Variants in DHTKD1 observed in about 807,000 individuals in gnomAD.
The protein encoded by DHTKD1 is dehydrogenase E1 and transketolase domain containing 1, also known as 2-oxoadipate dehydrogenase complex component E1.
Under a neutral mutation model 101.8 loss-of-function variants are expected in DHTKD1, and 78 were observed. The observed-to-expected ratio is 0.77, with a 90% confidence interval of 0.64 to 0.93. The LOEUF (loss-of-function observed/expected upper bound fraction) is 0.93, where lower values mean the gene tolerates loss of function less well. Ranked by LOEUF, DHTKD1 falls within the 40% of genes least tolerant of loss-of-function variation. DHTKD1 has a pLI of 0.00. For synonymous variants in DHTKD1, 462 were observed against 450.3 expected, an observed-to-expected ratio of 1.03 and a Z score of -0.33; for missense variants, 1,223 against 1,161.7, an observed-to-expected ratio of 1.05 and a Z score of -0.77.
At chr10:12,069,963 T>G (rs1832630110) in intron 1 of DHTKD1, among the ~76,000 whole-genome samples, 1 of 152,152 alleles carries the variant, frequency 6.6e-6, no homozygotes, top group South Asian at 2.1e-4. Context: ...GGTCCAAGAC[T>G]GCATTGCTTG....
chr10:12,075,331 G>A (rs190228724), intron 1 of DHTKD1, among the ~76,000 whole-genome samples: 5 of 152,116 alleles, frequency 3.3e-5, no homozygotes, highest in East Asian at 1.9e-4. Flanking sequence ...GGTGCTTCTC[G>A]CCATGCCCGG....
At chr10:12,080,019 G>A (rs1308734353) in intron 1 of DHTKD1, among the ~76,000 whole-genome samples, 2 of 152,162 alleles carry the variant, frequency 1.3e-5, no homozygotes, top group African/African-American at 2.4e-5. Context: ...GGTGGCTCAC[G>A]CCTGTAATCC....
chr10:12,120,196 C>A lies in DHTKD1; in HGVS notation c.2587C>A (p.Gln863Lys), dbSNP rs772499225. 6.2e-7 allele frequency: 1 copy of A among 1,613,758 alleles called. No homozygotes were observed. The highest frequency in any genetic ancestry group is 8.5e-7 in the Non-Finnish European group (1 of 1,179,760). ...TTCTCTCATAGATCATATTTGGAGTCAGGAGGAACCTCAGAACATGGGTCC... is the reference window on the plus strand; with the variant it reads ...TTCTCTCATAGATCATATTTGGAGTAAGGAGGAACCTCAGAACATGGGTCC... ...YKHVKDHIWS[Q>K]EEPQNMGPWS... The change falls in exon 16 of 17, where the codon CAG becomes AAG. Residue 863 changes from glutamine to lysine, a missense_variant. Transcript: ENST00000263035.
Position 12,121,773 on chromosome 10 carries a change from A to C in DHTKD1, c.*885A>C, listed in dbSNP as rs930727120. ...AGACTCCATCTCATAAATTAAAAGGAAAGTATGATAGTGTTATGGATTTTA... is the reference window on the plus strand; with the variant it reads ...AGACTCCATCTCATAAATTAAAAGGCAAGTATGATAGTGTTATGGATTTTA... On this transcript the variant is annotated 3_prime_UTR_variant, in exon 17 of 17. Transcript: ENST00000263035. 6.6e-6 allele frequency: 1 copy of C among 152,198 alleles called. No homozygotes were observed. The highest frequency in any genetic ancestry group is 2.4e-5 in the African/African-American group (1 of 41,456). The allele number at this position is 152,198 out of a possible 1,614,324, so 9.4% of individuals were successfully genotyped here.
Position 12,081,628 on chromosome 10 carries a change from G to T in DHTKD1, c.310+1G>T, listed in dbSNP as rs1588604213. 6.2e-7 allele frequency: 1 copy of T among 1,614,064 alleles called. No individual in the cohort carries two copies. On this transcript the variant is annotated splice_donor_variant, in intron 2 of 16. Coordinates refer to ENST00000263035, the MANE Select transcript of DHTKD1 (RefSeq NM_018706.7). LOFTEE classifies it high-confidence loss of function. ...CTGCAGGGACCCTTCCACACGGCAG[G>T]TATGGCTTCTGCACAGCAGGCGGGA...
intron 7 of DHTKD1, among the ~76,000 whole-genome samples, chr10:12,094,564 T>G (rs1833040501): frequency 6.6e-6 from 1 of 151,826 alleles, no homozygotes; most frequent in Non-Finnish European, 1.5e-5. Flanking sequence ...GTCAAACTCC[T>G]GACCTCAGGT....
rs939527780 is a variant in DHTKD1 at position 12,097,294 on chromosome 10, C to T, written c.1359-390C>T. ...AATTTTATTTATTTGGTTTTTGAGA[C>T]GGAGTTTCACTTTTGTTGCCTAGGC... On this transcript the variant is annotated intron_variant, in intron 7 of 16. Coordinates refer to ENST00000263035, the MANE Select transcript of DHTKD1 (RefSeq NM_018706.7). Among the ~76,000 whole-genome samples, 28 of 151,864 alleles carry T rather than the reference C, an allele frequency of 1.8e-4. 1 individual carries two copies. The highest frequency in any genetic ancestry group is 5.3e-4 in the Admixed American group (8 of 15,210).
At chr10:12,077,124 A>C (rs1313803616) in intron 1 of DHTKD1, among the ~76,000 whole-genome samples, 1 of 150,270 alleles carries the variant, frequency 6.7e-6, no homozygotes, top group East Asian at 1.9e-4. Context: ...ATACTAATAC[A>C]TATACTATAA....
At chr10:12,106,448 A>C in intron 11 of DHTKD1, 52 bp downstream of exon 11, 1 of 1,602,892 alleles carries the variant, frequency 6.2e-7, no homozygotes, top group South Asian at 1.1e-5. Context: ...GCGTGGCCCC[A>C]GCCTCGTGGG....
At position 12,099,708 on chromosome 10, in the gene DHTKD1, A is replaced by G. The variant is rs1028012685; in HGVS notation, c.1672-470A>G. ...CTCAGAAAAAAATAAATAAATAAAAACTGTATATAATTGCTCTCCTTCTCT... is the reference window on the plus strand; with the variant it reads ...CTCAGAAAAAAATAAATAAATAAAAGCTGTATATAATTGCTCTCCTTCTCT... On this transcript the variant is annotated intron_variant, in intron 8 of 16. Coordinates refer to ENST00000263035, the MANE Select transcript of DHTKD1 (RefSeq NM_018706.7). Among the ~76,000 whole-genome samples the G allele has an allele frequency of 2.6e-5, 4 of 151,184 alleles. No individual in the cohort carries two copies. The East Asian group carries it at 7.7e-4, about 29-fold the overall frequency.
Position 12,121,093 on chromosome 10 carries a change from A to G in DHTKD1, c.*205A>G. ...AAAATAGCCGGGTGTGGTGGTGGGC[A>G]CCTGTGATCCCAGCTTCCTGGGAGG... On this transcript the variant is annotated 3_prime_UTR_variant, in exon 17 of 17. Coordinates refer to ENST00000263035, the MANE Select transcript of DHTKD1 (RefSeq NM_018706.7). 1 of 427,604 alleles carries G rather than the reference A, an allele frequency of 2.3e-6. No individual in the cohort carries two copies. The highest frequency in any genetic ancestry group is 4.4e-6 in the Non-Finnish European group (1 of 226,950). The allele number at this position is 427,604 out of a possible 1,614,324, so 26.5% of individuals were successfully genotyped here.
rs891832701 is a variant in DHTKD1 at position 12,115,166 on chromosome 10, C to T, written c.2319+2102C>T. 4.0e-5 allele frequency among the ~76,000 whole-genome samples: 6 copies of T among 150,978 alleles called. No homozygotes were observed. In the South Asian group the frequency reaches 6.3e-4, roughly 16 times the overall value. The stretch of plus-strand genomic sequence containing the variant: ...TGGAGTGGAGAGCGCGATCTTGGCT[C>T]GCTCGCTGCAAACTCCGCCTCCCAG... On this transcript the variant is annotated intron_variant, in intron 13 of 16. Transcript: ENST00000263035.
intron 13 of DHTKD1, among the ~76,000 whole-genome samples, chr10:12,115,450 C>T (rs1403870080): frequency 6.6e-6 from 1 of 152,108 alleles, no homozygotes; most frequent in African/African-American, 2.4e-5. Context: ...GGTACTCATT[C>T]TCAGGGGCGA....
intron 5 of DHTKD1, among the ~76,000 whole-genome samples, chr10:12,090,273 T>C (rs1832966828): frequency 6.6e-6 from 1 of 152,190 alleles, no homozygotes; most frequent in African/African-American, 2.4e-5. Flanking sequence ...CACGTTATCC[T>C]ATGCATTTTA....
At chr10:12,112,832 C>A in intron 12 of DHTKD1, 68 bp from the exon 13 acceptor site, 1 of 1,468,412 alleles carries the variant, frequency 6.8e-7, no homozygotes, top group Non-Finnish European at 9.2e-7. Flanking sequence ...CTTTGGCCAG[C>A]CCATTGTCAC....
At chr10:12,072,708 G>C (rs576834315) in intron 1 of DHTKD1, among the ~76,000 whole-genome samples, 123 of 151,062 alleles carry the variant, frequency 8.1e-4, no homozygotes, top group Non-Finnish European at 1.3e-3. Context: ...ATGGAGGTGG[G>C]TTTAGGAGTA....
Position 12,069,013 on chromosome 10 carries a change from T to G in DHTKD1, c.-21T>G. On this transcript the variant is annotated 5_prime_UTR_variant, in exon 1 of 17. Coordinates refer to ENST00000263035, the MANE Select transcript of DHTKD1 (RefSeq NM_018706.7). ...CCCTCGGGCTCCCGCCTTAGCATGC[T>G]GGCCGGGACATCTGGTGAACATGGC... 6.2e-7 allele frequency: 1 copy of G among 1,612,600 alleles called. No homozygotes were observed. Among genetic ancestry groups the G allele is most frequent in the Non-Finnish European group, 8.5e-7 (1 of 1,179,440 alleles).
At chr10:12,091,383 G>C in intron 5 of DHTKD1, 130 bp from the exon 6 acceptor site, 1 of 672,740 alleles carries the variant, frequency 1.5e-6, no homozygotes, top group Non-Finnish European at 2.2e-6. Context: ...TTTCACTCCA[G>C]CCTGGGCGAA....
chr10:12,110,433 G>A lies in DHTKD1; in HGVS notation c.2154+2418G>A, dbSNP rs72779657. ...GGCACAAGACAATTCTTCTTCTTCC[G>A]GTGTGGCTCAGGTAAGCCAAAAGAT... On this transcript the variant is annotated intron_variant, in intron 12 of 16. Transcript: ENST00000263035. This position sits in a 1 kb window ranked among gnomAD's most constrained non-coding sequence, Gnocchi z 4.9. Among the ~76,000 whole-genome samples, 11,969 of 151,904 alleles carry A rather than the reference G, an allele frequency of 0.079. 608 individuals are homozygous for A. Among genetic ancestry groups the A allele is most frequent in the Non-Finnish European group, 0.12 (7,914 of 67,976 alleles).
Sources: allele counts gnomAD v4.1 joint callset (sites outside exome capture counted in the v4.1 genomes callset), GRCh38; gene constraint gnomAD v4.1.1; non-coding constraint Gnocchi (gnomAD v3.1); transcripts MANE v1.5; gene names NCBI Gene and HGNC (gene_info 2026-07-23, HGNC 2026-07-21).